RBFOX1: variants seen among roughly 807,000 people sequenced by gnomAD.
The protein encoded by RBFOX1 is RNA binding fox-1 homolog 1.
RBFOX1 carries 8 observed loss-of-function variants against 57.7 expected under a neutral mutation model. The observed-to-expected ratio is 0.14, with a 90% confidence interval of 0.08 to 0.25. The LOEUF (loss-of-function observed/expected upper bound fraction) is 0.25, where lower values mean the gene tolerates loss of function less well. Among genes scored for constraint, RBFOX1 ranks in the 10% least tolerant of loss-of-function variants. The probability of loss-of-function intolerance (pLI) is 1.00; values close to 1 mark genes in which losing one functional copy is unlikely to be tolerated. For synonymous variants in RBFOX1, 326 were observed against 222.4 expected, an observed-to-expected ratio of 1.47 and a Z score of -4.15; for missense variants, 611 against 548.5, an observed-to-expected ratio of 1.11 and a Z score of -1.14.
chr16:7,569,067 C>A (rs958361568), intron 5 of RBFOX1, among the ~76,000 whole-genome samples: 5 of 151,994 alleles, frequency 3.3e-5, no homozygotes, highest in African/African-American at 7.2e-5. Context: ...CTTTTAAACC[C>A]ATTATCCGTT....
intron 3 of RBFOX1, among the ~76,000 whole-genome samples, chr16:6,757,780 A>G (rs2076031982): frequency 1.3e-5 from 2 of 152,152 alleles, no homozygotes; most frequent in South Asian, 4.1e-4. Context: ...TTTCAAAGTA[A>G]CTAGAAGAAA....
chr16:7,210,795 C>G (rs1391933606), intron 4 of RBFOX1, among the ~76,000 whole-genome samples: 1 of 152,016 alleles, frequency 6.6e-6, no homozygotes, highest in Non-Finnish European at 1.5e-5. Context: ...CTGAAAAGTA[C>G]ATCTGTGTGT....
chr16:5,447,744 C>T (rs2068293940), intron 1 of RBFOX1, among the ~76,000 whole-genome samples: 1 of 152,186 alleles, frequency 6.6e-6, no homozygotes, highest in South Asian at 2.1e-4. Flanking sequence ...CTTCTCTCAG[C>T]ACGTGATGTT....
chr16:5,628,763 A>G lies in RBFOX1; in HGVS notation c.318+29802A>G, dbSNP rs147100641. ...TGCCAAGTTCCAAGGGCAGGATTTT[A>G]TATCCCCAAGAAATATCAAATTTGA... On this transcript the variant is annotated intron_variant, in intron 3 of 19. Transcript: ENST00000641259. Among the ~76,000 whole-genome samples the G allele has an allele frequency of 7.5e-3, 1,141 of 152,294 alleles. 13 individuals are homozygous for G. Among genetic ancestry groups the G allele is most frequent in the Middle Eastern group, 0.017 (5 of 294 alleles).
At chr16:7,146,382 A>G (rs887332171) in intron 4 of RBFOX1, among the ~76,000 whole-genome samples, 4 of 152,184 alleles carry the variant, frequency 2.6e-5, no homozygotes, top group South Asian at 2.1e-4. Flanking sequence ...AAATTGTCTC[A>G]TCAGTATACT....
At chr16:6,406,788 G>T (rs951746162) in intron 2 of RBFOX1, among the ~76,000 whole-genome samples, 1 of 152,118 alleles carries the variant, frequency 6.6e-6, no homozygotes, top group Admixed American at 6.5e-5. Context: ...GCTACCTGGG[G>T]TCAGGATCCA....
rs1337558967 is a variant in RBFOX1, at chr16:6,450,873, A to ATG, written c.-64+133817_-64+133818insGT. ...TATATATATATATATATATATATAT[A>ATG]TCTCCTCTGAAATATTGATCTTCTC... On this transcript the variant is annotated intron_variant, in intron 2 of 15. Coordinates refer to ENST00000550418, the MANE Select transcript of RBFOX1 (RefSeq NM_018723.4). 7.1e-3 allele frequency among the ~76,000 whole-genome samples: 340 copies of ATG among 48,216 alleles called. 64 individuals are homozygous for ATG. Among genetic ancestry groups the ATG allele is most frequent in the African/African-American group, 0.022 (276 of 12,650 alleles). 31.6% of individuals were successfully genotyped at this position (48,216 alleles called of 152,430 possible). A position where few individuals can be genotyped will look rare whatever the true frequency, so the allele number is the denominator to read the frequency against.
intron 3 of RBFOX1, among the ~76,000 whole-genome samples, chr16:6,876,925 C>T (rs192035334): frequency 1.3e-5 from 2 of 152,192 alleles, no homozygotes; most frequent in South Asian, 2.1e-4. Context: ...ACTATTCTGA[C>T]CTTTTTTCAA....
In RBFOX1 at chr16:5,529,994, A is replaced by AT. The variant is rs1387458114; in HGVS notation, c.258+62742dup. Among the ~76,000 whole-genome samples the AT allele has an allele frequency of 1.1e-3, 166 of 152,194 alleles. 2 individuals carry two copies. The highest frequency in any genetic ancestry group is 3.9e-3 in the African/African-American group (162 of 41,530). ...ACCCAAGGCAAGAGGCACACAACAGATTCTTCCTCACAGCCCTGAGAAGGA... is the reference window on the plus strand; with the variant it reads ...ACCCAAGGCAAGAGGCACACAACAGATTTCTTCCTCACAGCCCTGAGAAGGA... On this transcript the variant is annotated intron_variant, in intron 2 of 2. Transcript: ENST00000585867.
At chr16:5,331,764 C>T (rs74003878) in intron 1 of RBFOX1, among the ~76,000 whole-genome samples, 316 of 152,378 alleles carry the variant, frequency 2.1e-3, no homozygotes, top group African/African-American at 7.2e-3. Flanking sequence ...CTCAGCAGCT[C>T]AGGTGATAGC....
intron 3 of RBFOX1, among the ~76,000 whole-genome samples, chr16:5,835,470 G>T (rs1248208984): frequency 6.6e-6 from 1 of 152,212 alleles, no homozygotes; most frequent in Non-Finnish European, 1.5e-5. Flanking sequence ...TCCTCCTATT[G>T]TCAGACTTTG....
chr16:7,288,268 C>A (rs1249630883), intron 4 of RBFOX1, among the ~76,000 whole-genome samples: 1 of 152,130 alleles, frequency 6.6e-6, no homozygotes. Context: ...ATCAATTGTT[C>A]AACTTTCAGA....
At chr16:5,500,099 C>G (rs1450891364) in intron 2 of RBFOX1, among the ~76,000 whole-genome samples, 1 of 139,024 alleles carries the variant, frequency 7.2e-6, no homozygotes, top group East Asian at 2.0e-4. Flanking sequence ...CCCTCCATTC[C>G]CTCCCTTCCC....
intron 4 of RBFOX1, among the ~76,000 whole-genome samples, chr16:7,390,869 T>C (rs1271178258): frequency 6.6e-6 from 1 of 152,060 alleles, no homozygotes; most frequent in Admixed American, 6.5e-5. Flanking sequence ...GCCCTGGGGA[T>C]ATGGAGAGTT....
At chr16:7,579,059 A>G (rs2093553100) in intron 5 of RBFOX1, among the ~76,000 whole-genome samples, 1 of 152,262 alleles carries the variant, frequency 6.6e-6, no homozygotes, top group Non-Finnish European at 1.5e-5. Context: ...GTATGGAAGC[A>G]ATAACTACAT....
intron 3 of RBFOX1, among the ~76,000 whole-genome samples, chr16:5,668,725 C>T (rs555945745): frequency 6.6e-6 from 1 of 152,276 alleles, no homozygotes; most frequent in Admixed American, 6.5e-5. Flanking sequence ...ACAGCAGGCT[C>T]CTCCTCTCCT....
At chr16:5,932,994 C>T (rs1027048894) in intron 4 of RBFOX1, among the ~76,000 whole-genome samples, 6 of 152,158 alleles carry the variant, frequency 3.9e-5, no homozygotes, top group Non-Finnish European at 7.3e-5. Flanking sequence ...AACAGCATGA[C>T]GCCACTTAGC....
chr16:7,589,338 G>T (rs550619565), intron 7 of RBFOX1, among the ~76,000 whole-genome samples: 2 of 152,188 alleles, frequency 1.3e-5, no homozygotes, highest in Non-Finnish European at 2.9e-5. Flanking sequence ...AGCTGTTTTG[G>T]GACATTAGAA....
chr16:7,478,305 A>G (rs1047733635), intron 4 of RBFOX1, among the ~76,000 whole-genome samples: 1 of 152,240 alleles, frequency 6.6e-6, no homozygotes, highest in Admixed American at 6.5e-5. Flanking sequence ...CACCTTGTTC[A>G]AATAGCTAAA....
Sources: allele counts gnomAD v4.1 joint callset (sites outside exome capture counted in the v4.1 genomes callset), GRCh38; gene constraint gnomAD v4.1.1; transcripts MANE v1.5; gene names NCBI Gene and HGNC (gene_info 2026-07-23, HGNC 2026-07-21).